PAG1: variants seen among roughly 807,000 people sequenced by gnomAD.
PAG1 encodes the protein phosphoprotein membrane anchor with glycosphingolipid microdomains 1, also known as phosphoprotein associated with glycosphingolipid-enriched microdomains 1.
A neutral mutation model predicts 31.7 loss-of-function variants in PAG1; 23 were observed. The ratio of observed to expected loss-of-function variants is 0.73; its 90% CI spans 0.52 to 1.03. PAG1 has a LOEUF of 1.03. Ranked by LOEUF, PAG1 falls within the 50% of genes least tolerant of loss-of-function variation. The pLI, the probability that PAG1 is intolerant of heterozygous loss-of-function variation, is 0.00. For synonymous variants in PAG1, 214 were observed against 210.3 expected, an observed-to-expected ratio of 1.02 and a Z score of -0.15; for missense variants, 473 against 540.7, an observed-to-expected ratio of 0.87 and a Z score of 1.24.
chr8:81,071,862 GC>G (rs1421596209), intron 1 of PAG1, among the ~76,000 whole-genome samples: 9 of 152,278 alleles, frequency 5.9e-5, no homozygotes, highest in African/African-American at 9.6e-5. Context: ...GTTCTCCACA[GC>G]CCTTGTGACA....
At chr8:81,024,132 C>T (rs1240878421) in intron 3 of PAG1, among the ~76,000 whole-genome samples, 4 of 152,166 alleles carry the variant, frequency 2.6e-5, no homozygotes, top group Admixed American at 1.3e-4. Flanking sequence ...TTTTCTAAAA[C>T]GTATTTAAGC....
chr8:81,017,837 G>A (rs989681771), intron 3 of PAG1, among the ~76,000 whole-genome samples: 1 of 152,120 alleles, frequency 6.6e-6, no homozygotes, highest in African/African-American at 2.4e-5. Flanking sequence ...CCTGCACATG[G>A]GAATTTAAAC....
intron 2 of PAG1, among the ~76,000 whole-genome samples, chr8:81,055,061 A>G (rs1237924877): frequency 1.3e-5 from 2 of 149,686 alleles, no homozygotes; most frequent in Non-Finnish European, 3.0e-5. Flanking sequence ...CACTGAATTA[A>G]TTTCTTTTTT....
intron 2 of PAG1, among the ~76,000 whole-genome samples, chr8:81,046,749 C>T (rs1415932286): frequency 2.0e-5 from 3 of 151,954 alleles, no homozygotes; most frequent in Non-Finnish European, 4.4e-5. Context: ...CACAGGTAAA[C>T]GTGTGCCATG....
At chr8:80,982,004 T>C (rs1807316510) in intron 7 of PAG1, among the ~76,000 whole-genome samples, 1 of 151,860 alleles carries the variant, frequency 6.6e-6, no homozygotes, top group South Asian at 2.1e-4. Context: ...TAGCTGGGAC[T>C]ACAGGTGCAT....
chr8:80,979,449 A>T (rs1563613964), intron 8 of PAG1, among the ~76,000 whole-genome samples: 1 of 152,166 alleles, frequency 6.6e-6, no homozygotes, highest in Non-Finnish European at 1.5e-5. Flanking sequence ...ACTGTGTTGG[A>T]GGACAGTGAG....
chr8:81,105,724 G>A (rs770981450), intron 1 of PAG1, among the ~76,000 whole-genome samples: 16 of 152,304 alleles, frequency 1.1e-4, no homozygotes, highest in Non-Finnish European at 1.8e-4. Context: ...AAAGGATGGC[G>A]TAGGGGGAAG....
Position 80,972,139 on chromosome 8 carries a change from A to G in PAG1, c.*4405T>C. The G allele has an allele frequency of 6.6e-6, 1 of 152,224 alleles. No individual in the cohort carries two copies. Among genetic ancestry groups the G allele is most frequent in the East Asian group, 1.9e-4 (1 of 5,198 alleles). The allele number at this position is 152,224 out of a possible 1,614,324, so 9.4% of individuals were successfully genotyped here. A position where few individuals can be genotyped will look rare whatever the true frequency, so the allele number is the denominator to read the frequency against. On this transcript the variant is annotated 3_prime_UTR_variant, in exon 9 of 9. Coordinates refer to ENST00000220597, the MANE Select transcript of PAG1 (RefSeq NM_018440.4). ...CCTATTTTCACATCAGTCATTTATT[A>G]ACACCAAACATTATACTTTAACTTT...
chr8:81,012,856 C>T (rs761433004), intron 3 of PAG1, among the ~76,000 whole-genome samples: 19 of 152,138 alleles, frequency 1.2e-4, no homozygotes, highest in African/African-American at 1.9e-4. Context: ...GAAAGTCTAA[C>T]GATAATGCAA....
At chr8:81,043,584 A>G (rs1808591169) in intron 2 of PAG1, among the ~76,000 whole-genome samples, 1 of 152,190 alleles carries the variant, frequency 6.6e-6, no homozygotes, top group African/African-American at 2.4e-5. Context: ...TGGTTATACT[A>G]TAATTGGGCA....
intron 3 of PAG1, among the ~76,000 whole-genome samples, chr8:81,016,940 A>G (rs1462193980): frequency 1.3e-5 from 2 of 152,234 alleles, no homozygotes; most frequent in Non-Finnish European, 2.9e-5. Flanking sequence ...AGGCCAAAGG[A>G]ACAGAGCTTG....
chr8:81,045,143 T>A (rs1808620358), intron 2 of PAG1, among the ~76,000 whole-genome samples: 1 of 152,168 alleles, frequency 6.6e-6, no homozygotes, highest in African/African-American at 2.4e-5. Context: ...CATAAAAATA[T>A]AACAACTATA....
At chr8:81,064,501 T>C (rs1808971854) in intron 2 of PAG1, among the ~76,000 whole-genome samples, 1 of 152,114 alleles carries the variant, frequency 6.6e-6, no homozygotes, top group Non-Finnish European at 1.5e-5. Context: ...AGCAAAAACA[T>C]ACTATTAAAG....
chr8:81,060,922 C>T (rs991507591), intron 2 of PAG1, among the ~76,000 whole-genome samples: 1 of 152,200 alleles, frequency 6.6e-6, no homozygotes, highest in Non-Finnish European at 1.5e-5. Flanking sequence ...GACATGAGGG[C>T]CCATAAAATT....
chr8:81,076,725 C>T lies in PAG1; in HGVS notation c.-233-6555G>A, dbSNP rs551809501. ...TGTAAGAAAATAAATATCCTAGGGCCCATGCTAAGTACATACTTTTTAAAA... is the reference window on the plus strand; with the variant it reads ...TGTAAGAAAATAAATATCCTAGGGCTCATGCTAAGTACATACTTTTTAAAA... On this transcript the variant is annotated intron_variant, in intron 1 of 8. Transcript: ENST00000220597. Among the ~76,000 whole-genome samples, 15 of 152,148 alleles carry T rather than the reference C, an allele frequency of 9.9e-5. No homozygotes were observed. In the South Asian group the frequency reaches 2.7e-3, roughly 27 times the overall value.
chr8:81,037,493 A>G (rs1808480620), intron 2 of PAG1, among the ~76,000 whole-genome samples: 1 of 152,220 alleles, frequency 6.6e-6, no homozygotes, highest in Non-Finnish European at 1.5e-5. Context: ...TGTTCAAAAC[A>G]GGAAAAGAAA....
intron 1 of PAG1, among the ~76,000 whole-genome samples, chr8:81,092,184 C>A (rs1453940601): frequency 1.2e-5 from 1 of 80,610 alleles, no homozygotes; most frequent in Non-Finnish European, 2.2e-5. Flanking sequence ...AAAACCACAT[C>A]TCTGCAAAAA....
chr8:81,106,063 G>A (rs926091047), intron 1 of PAG1, among the ~76,000 whole-genome samples: 1 of 152,158 alleles, frequency 6.6e-6, no homozygotes, highest in Admixed American at 6.5e-5. Context: ...TTTATTCTGA[G>A]ACAAAGTCTT....
intron 2 of PAG1, among the ~76,000 whole-genome samples, chr8:81,063,945 T>G (rs1164267574): frequency 1.3e-5 from 2 of 152,188 alleles, no homozygotes; most frequent in African/African-American, 4.8e-5. Flanking sequence ...TACCAGTATG[T>G]CAAGGTTGAT....
Sources: allele counts gnomAD v4.1 joint callset (sites outside exome capture counted in the v4.1 genomes callset), GRCh38; gene constraint gnomAD v4.1.1; transcripts MANE v1.5; gene names NCBI Gene and HGNC (gene_info 2026-07-23, HGNC 2026-07-21).